The following SIPA1L2 variants were observed in gnomAD, a reference collection of about 807,000 sequenced individuals.
SIPA1L2 encodes signal-induced proliferation-associated 1-like protein 2.
In SIPA1L2, 56 loss-of-function variants were observed where a neutral mutation model predicts 163.9. The observed-to-expected ratio is 0.34, with a 90% confidence interval of 0.28 to 0.43. The LOEUF (loss-of-function observed/expected upper bound fraction) is 0.43, where lower values mean the gene tolerates loss of function less well. SIPA1L2 is among the 20% of genes least tolerant of loss of function. SIPA1L2 has a pLI of 1.00. For missense variants in SIPA1L2, 1,974 were observed against 2,193.5 expected (o/e 0.90, Z 2.00); for synonymous variants, 877 against 865.7 (o/e 1.01, Z -0.23).
intron 2 of SIPA1L2, among the ~76,000 whole-genome samples, chr1:232,542,511 A>T (rs1044290389): frequency 6.6e-6 from 1 of 152,198 alleles, no homozygotes; most frequent in Non-Finnish European, 1.5e-5. Context: ...GTATCTGTTC[A>T]TGTCCAGTCT....
intron 9 of SIPA1L2, among the ~76,000 whole-genome samples, chr1:232,461,840 G>C (rs73092887): frequency 0.01 from 1,569 of 152,244 alleles, 31 homozygotes; most frequent in African/African-American, 0.036. Context: ...TCCTTCTCTT[G>C]AGGACAGACA....
intron 7 of SIPA1L2, among the ~76,000 whole-genome samples, chr1:232,473,726 A>G (rs1664907161): frequency 6.6e-6 from 1 of 152,230 alleles, no homozygotes; most frequent in Non-Finnish European, 1.5e-5. Flanking sequence ...AATGTTTTCA[A>G]AAGTCTAGTT....
At chr1:232,471,562 T>G in intron 7 of SIPA1L2, 34 bp from the exon 8 acceptor site, 1 of 1,556,286 alleles carries the variant, frequency 6.4e-7, no homozygotes, top group Non-Finnish European at 8.7e-7. Flanking sequence ...TACAAATAAG[T>G]TTTTCTTTAA....
At chr1:232,597,689 CA>C (rs376123118) in intron 1 of SIPA1L2, among the ~76,000 whole-genome samples, 1,299 of 65,304 alleles carry the variant, frequency 0.02, 23 homozygotes, top group African/African-American at 0.046. Flanking sequence ...AACTCTGTCT[CA>C]AAAAAAAAAA....
intron 3 of SIPA1L2, among the ~76,000 whole-genome samples, chr1:232,505,424 G>A (rs1247742200): frequency 1.3e-5 from 2 of 152,200 alleles, no homozygotes; most frequent in Non-Finnish European, 2.9e-5. Context: ...AACGCCATGT[G>A]AGTCAAACTG....
intron 1 of SIPA1L2, among the ~76,000 whole-genome samples, chr1:232,574,810 A>G (rs945789795): frequency 6.6e-6 from 1 of 152,218 alleles, no homozygotes; most frequent in African/African-American, 2.4e-5. Context: ...TTTTAATGAT[A>G]ATGGCGATGG....
At chr1:232,435,747 T>C (rs937121411) in intron 15 of SIPA1L2, among the ~76,000 whole-genome samples, 2 of 152,158 alleles carry the variant, frequency 1.3e-5, no homozygotes, top group African/African-American at 2.4e-5. Flanking sequence ...AAAAAAAATG[T>C]GTTTGCTAAA....
intron 3 of SIPA1L2, among the ~76,000 whole-genome samples, chr1:232,498,719 C>A (rs1666321355): frequency 6.6e-6 from 1 of 152,160 alleles, no homozygotes; most frequent in Non-Finnish European, 1.5e-5. Context: ...CTTCTGTAGT[C>A]AAATTTCCCT....
chr1:232,568,193 A>T (rs1659514714), intron 2 of SIPA1L2, among the ~76,000 whole-genome samples: 2 of 152,238 alleles, frequency 1.3e-5, no homozygotes. Flanking sequence ...ACCCCAATCT[A>T]GTCAATCAGA....
At chr1:232,520,122 G>A (rs919845126) in intron 2 of SIPA1L2, among the ~76,000 whole-genome samples, 4 of 152,198 alleles carry the variant, frequency 2.6e-5, no homozygotes, top group Non-Finnish European at 5.9e-5. Flanking sequence ...CAGATCTCTA[G>A]ATTTTGTCTA....
At chr1:232,590,142 A>C (rs1236761299) in intron 1 of SIPA1L2, among the ~76,000 whole-genome samples, 3 of 152,184 alleles carry the variant, frequency 2.0e-5, no homozygotes, top group South Asian at 2.1e-4. Context: ...TCAAGTCCCC[A>C]GACACCTTGC....
intron 1 of SIPA1L2, among the ~76,000 whole-genome samples, chr1:232,592,032 C>T (rs1660994351): frequency 6.6e-6 from 1 of 152,084 alleles, no homozygotes; most frequent in Non-Finnish European, 1.5e-5. Flanking sequence ...TCCCACTAAT[C>T]ACTCTTAGGA....
At chr1:232,506,474 G>C (rs1349515002) in intron 3 of SIPA1L2, among the ~76,000 whole-genome samples, 2 of 152,134 alleles carry the variant, frequency 1.3e-5, no homozygotes, top group African/African-American at 4.8e-5. Flanking sequence ...TATTTACCAA[G>C]AGTTGACCTC....
chr1:232,513,808 T>C (rs781384397), intron 3 of SIPA1L2, 49 bp downstream of exon 3: 13 of 1,519,100 alleles, frequency 8.6e-6, no homozygotes, highest in African/African-American at 1.4e-5. Flanking sequence ...GACTGGTTCT[T>C]AAAAAACTAC....
intron 1 of SIPA1L2, among the ~76,000 whole-genome samples, chr1:232,621,041 C>T (rs1662782891): frequency 6.6e-6 from 1 of 152,116 alleles, no homozygotes; most frequent in Non-Finnish European, 1.5e-5. Context: ...AAATGCAAAA[C>T]AAAAATTGTT....
intron 18 of SIPA1L2, among the ~76,000 whole-genome samples, chr1:232,422,983 G>A (rs186088499): frequency 3.3e-5 from 5 of 152,228 alleles, no homozygotes; most frequent in East Asian, 3.9e-4. Flanking sequence ...ATACATACTC[G>A]GTAGAAATCA....
chr1:232,588,059 A>AT (rs1660763995), intron 1 of SIPA1L2, among the ~76,000 whole-genome samples: 1 of 152,152 alleles, frequency 6.6e-6, no homozygotes, highest in Admixed American at 6.5e-5. Flanking sequence ...GACTAATACA[A>AT]TGGAGAAGTA....
chr1:232,493,396 T>G, intron 4 of SIPA1L2, 131 bp downstream of exon 4: 1 of 1,230,046 alleles, frequency 8.1e-7, no homozygotes, highest in Non-Finnish European at 1.1e-6. Context: ...CCCTTTTTAA[T>G]TATCTTAAAT....
At chr1:232,490,306 G>A (rs1665860565) in intron 5 of SIPA1L2, among the ~76,000 whole-genome samples, 1 of 152,142 alleles carries the variant, frequency 6.6e-6, no homozygotes, top group South Asian at 2.1e-4. Flanking sequence ...ACCTCTTCAG[G>A]AGAGTTGCCC....
Sources: gnomAD v4.1 joint callset for allele counts (sites outside exome capture counted in the v4.1 genomes callset) on GRCh38, gnomAD v4.1.1 for gene constraint, MANE v1.5 for transcripts, NCBI Gene and HGNC (gene_info 2026-07-23, HGNC 2026-07-21) for gene names.